IGFL3: variants seen among roughly 807,000 people sequenced by gnomAD.
IGFL3 encodes IGF like family member 3, also known as insulin growth factor-like family member 3.
IGFL3 carries 12 observed loss-of-function variants against 17.0 expected under a neutral mutation model. That is an observed-to-expected ratio of 0.71 (90% CI 0.45 to 1.14). IGFL3 has a LOEUF of 1.14. Among genes scored for constraint, IGFL3 ranks in the 50% most tolerant of loss-of-function variants. The probability of loss-of-function intolerance (pLI) is 0.00; values close to 1 mark genes in which losing one functional copy is unlikely to be tolerated. For missense variants in IGFL3, 153 were observed against 151.6 expected (o/e 1.01, Z -0.05); for synonymous variants, 52 against 57.4 (o/e 0.91, Z 0.42).
At chr19:46,120,566 A>T (rs1971704807) in intron 3 of IGFL3, among the ~76,000 whole-genome samples, 1 of 150,864 alleles carries the variant, frequency 6.6e-6, no homozygotes, top group Non-Finnish European at 1.5e-5. Context: ...CCAGCAACAG[A>T]TCCCAATAAC....
At chr19:46,122,974 A>C (rs1971858970) in intron 3 of IGFL3, among the ~76,000 whole-genome samples, 1 of 150,906 alleles carries the variant, frequency 6.6e-6, no homozygotes, top group Non-Finnish European at 1.5e-5. Flanking sequence ...CCAGGGTAAA[A>C]AAAATGACAT....
Position 46,124,066 on chromosome 19 carries a change from T to C in IGFL3, c.170A>G (p.Asp57Gly). The change falls in exon 3 of 4, where the codon GAT (aspartate) becomes GGT (glycine). Residue 57 changes from aspartate (D) to glycine (G), a missense_variant. Physicochemically the swap from Asp to Gly is moderately conservative, Grantham distance 94 (BLOSUM62 -1). Coordinates refer to ENST00000341415, the MANE Select transcript of IGFL3 (RefSeq NM_207393.2). ...IYNPSEQCCY[D>G]DAILSLKETR... ...CTCCTTTAAGGATAAGATGGCATCATCATAACAGCACTGCTCTGAAGGGTT... is the reference window on the plus strand; with the variant it reads ...CTCCTTTAAGGATAAGATGGCATCACCATAACAGCACTGCTCTGAAGGGTT... 1 of 1,611,526 alleles carries C rather than the reference T, an allele frequency of 6.2e-7. No individual in the cohort carries two copies. Among genetic ancestry groups the C allele is most frequent in the Non-Finnish European group, 8.5e-7 (1 of 1,179,662 alleles).
intron 3 of IGFL3, among the ~76,000 whole-genome samples, chr19:46,122,347 A>T (rs1971823603): frequency 6.6e-6 from 1 of 151,184 alleles, no homozygotes; most frequent in Non-Finnish European, 1.5e-5. Flanking sequence ...ACTAAATATT[A>T]TAATTTTCTC....
chr19:46,120,094 A>G lies in IGFL3; in HGVS notation c.*236T>C. ...GAAGATGGTAAATGTGGGGGATTTTATTGCCGATGAAAGTGGCTCTCAGCG... is the reference window on the plus strand; with the variant it reads ...GAAGATGGTAAATGTGGGGGATTTTGTTGCCGATGAAAGTGGCTCTCAGCG... On this transcript the variant is annotated 3_prime_UTR_variant, in exon 4 of 4. Coordinates refer to ENST00000341415, the MANE Select transcript of IGFL3 (RefSeq NM_207393.2). 1.8e-6 allele frequency: 1 copy of G among 554,060 alleles called. No individual in the cohort carries two copies. 34.3% of individuals were successfully genotyped at this position (554,060 alleles called of 1,614,324 possible). A position where few individuals can be genotyped will look rare whatever the true frequency, so the allele number is the denominator to read the frequency against.
chr19:46,120,497 C>CTA, intron 3 of IGFL3, 140 bp from the exon 4 acceptor site: 1 of 1,244,588 alleles, frequency 8.0e-7, no homozygotes, highest in Non-Finnish European at 1.1e-6. Flanking sequence ...AACAGAAGGA[C>CTA]ACAGTCACCA....
At chr19:46,121,101 A>G (rs1403746050) in intron 3 of IGFL3, among the ~76,000 whole-genome samples, 1 of 150,414 alleles carries the variant, frequency 6.6e-6, no homozygotes, top group Admixed American at 6.6e-5. Flanking sequence ...AGGCACCACT[A>G]TAGTGGTGGC....
intron 1 of IGFL3, 138 bp from the exon 2 acceptor site, chr19:46,124,459 C>T (rs144488353): frequency 3.7e-5 from 43 of 1,160,532 alleles, no homozygotes; most frequent in Middle Eastern, 1.9e-4. Context: ...TATGGGATCC[C>T]GTTCAGGCAG....
chr19:46,124,157 C>T lies in IGFL3; in HGVS notation c.80-1G>A. The T allele has an allele frequency of 6.2e-7, 1 of 1,610,074 alleles. No individual in the cohort carries two copies. Among genetic ancestry groups the T allele is most frequent in the Non-Finnish European group, 8.5e-7 (1 of 1,178,790 alleles). On this transcript the variant is annotated splice_acceptor_variant, in intron 2 of 3. Coordinates refer to ENST00000341415, the MANE Select transcript of IGFL3 (RefSeq NM_207393.2). LOFTEE classifies it high-confidence loss of function. ...CACAGTCCTGAGCCAACAGGAGCGTCTGGGGGCAGACATTGATGGTGTACA... is the reference window on the plus strand; with the variant it reads ...CACAGTCCTGAGCCAACAGGAGCGTTTGGGGGCAGACATTGATGGTGTACA...
rs183244797 is a variant in IGFL3, at chr19:46,121,224, A to C, written c.351-867T>G. ...GAAAACCTGTCTCTACCAAAAAAAA[A>C]CCAAAAAACCAAAGTTAGCCAGATG... is the stretch of plus-strand genomic sequence containing the variant. On this transcript the variant is annotated intron_variant, in intron 3 of 3. Coordinates refer to ENST00000341415, the MANE Select transcript of IGFL3 (RefSeq NM_207393.2). 3.0e-4 allele frequency among the ~76,000 whole-genome samples: 45 copies of C among 149,438 alleles called. 1 individual carries two copies. The highest frequency in any genetic ancestry group is 5.3e-4 in the Admixed American group (8 of 14,980).
At position 46,120,281 on chromosome 19, in the gene IGFL3, T is replaced by G; in HGVS notation, c.*49A>C. 1 of 1,609,138 alleles carries G rather than the reference T, an allele frequency of 6.2e-7. No individual in the cohort carries two copies. Among genetic ancestry groups the G allele is most frequent in the Non-Finnish European group, 8.5e-7 (1 of 1,178,874 alleles). On this transcript the variant is annotated 3_prime_UTR_variant, in exon 4 of 4. Coordinates refer to ENST00000341415, the MANE Select transcript of IGFL3 (RefSeq NM_207393.2). ...ACTGTAGTCTCCGATGTCCAGCTGC[T>G]TCGTCTCTTCTCCCCTTGTCTGCCG...
chr19:46,122,765 C>A (rs1415639656), intron 3 of IGFL3, among the ~76,000 whole-genome samples: 1 of 150,810 alleles, frequency 6.6e-6, no homozygotes, highest in Non-Finnish European at 1.5e-5. Context: ...CTCTTAAAAC[C>A]CCCAACAGAA....
intron 1 of IGFL3, 56 bp from the exon 2 acceptor site, chr19:46,124,377 A>C: frequency 6.6e-7 from 1 of 1,526,286 alleles, no homozygotes; most frequent in African/African-American, 1.4e-5. Context: ...CAAGTATGGA[A>C]AAAACAAACA....
chr19:46,122,594 TAATA>T (rs1238945685), intron 3 of IGFL3, among the ~76,000 whole-genome samples: 1 of 151,130 alleles, frequency 6.6e-6, no homozygotes. Flanking sequence ...GAAAAGAGTT[TAATA>T]AAGAACATCC....
rs760450215 is a variant in IGFL3 at position 46,124,060 on chromosome 19, GCAT to G, written c.173_175del (p.Asp58del). The G allele has an allele frequency of 2.5e-6, 4 of 1,611,540 alleles. No individual in the cohort carries two copies. The highest frequency in any genetic ancestry group is 1.7e-5 in the Admixed American group (1 of 59,688). On this transcript the variant is annotated inframe_deletion, in exon 3 of 4. Coordinates refer to ENST00000341415, the MANE Select transcript of IGFL3 (RefSeq NM_207393.2). ...GCGGGTCTCCTTTAAGGATAAGATG[GCAT>G]CATCATAACAGCACTGCTCTGAAGG...
At chr19:46,124,487 C>G (rs1265636060) in intron 1 of IGFL3, 138 bp downstream of exon 1, 2 of 1,131,962 alleles carry the variant, frequency 1.8e-6, no homozygotes, top group Non-Finnish European at 2.7e-6. Flanking sequence ...GCAGCACGCT[C>G]AGTCACCCTT....
rs1460091964 is a variant in IGFL3 at position 46,120,360 on chromosome 19, A to G, written c.351-3T>C. The G allele has an allele frequency of 1.3e-5, 21 of 1,610,950 alleles. No individual in the cohort carries two copies. The highest frequency in any genetic ancestry group is 1.8e-5 in the Non-Finnish European group (21 of 1,179,538). On this transcript the variant is annotated splice_region_variant and splice_polypyrimidine_tract_variant and intron_variant, in intron 3 of 3. Coordinates refer to ENST00000341415, the MANE Select transcript of IGFL3 (RefSeq NM_207393.2). ...GGTACAGGACGTGCCTCCTGTTCCT[A>G]TCACAGTGCCCCAAATCAAAGTGTC...
Position 46,120,202 on chromosome 19 carries a change from A to C in IGFL3, c.*128T>G. ...CATCCCCAGCTGGGCTCCTCTCCAA[A>C]GCTATGTCATTGAGCCATCCCTCTG... On this transcript the variant is annotated 3_prime_UTR_variant, in exon 4 of 4. Transcript: ENST00000341415. 1 of 1,402,572 alleles carries C rather than the reference A, an allele frequency of 7.1e-7. No homozygotes were observed. Among genetic ancestry groups the C allele is most frequent in the East Asian group, 2.6e-5 (1 of 38,324 alleles). The allele number at this position is 1,402,572 out of a possible 1,614,324, so 86.9% of individuals were successfully genotyped here. A position where few individuals can be genotyped will look rare whatever the true frequency, so the allele number is the denominator to read the frequency against.
chr19:46,121,001 C>T (rs888621465), intron 3 of IGFL3, among the ~76,000 whole-genome samples: 1 of 150,318 alleles, frequency 6.7e-6, no homozygotes, highest in African/African-American at 2.5e-5. Flanking sequence ...AATTCATATC[C>T]AACTTGTAGC....
At chr19:46,124,196 AGATAC>A in intron 2 of IGFL3, 40 bp from the exon 3 acceptor site, 1 of 1,610,006 alleles carries the variant, frequency 6.2e-7, no homozygotes, top group Non-Finnish European at 8.5e-7. Context: ...AAGGAAGAAC[AGATAC>A]TCAATTCCCA....
Sources: gnomAD v4.1 joint callset for allele counts (sites outside exome capture counted in the v4.1 genomes callset) on GRCh38, gnomAD v4.1.1 for gene constraint, MANE v1.5 for transcripts, NCBI Gene and HGNC (gene_info 2026-07-23, HGNC 2026-07-21) for gene names.